The following GPHN variants were observed in gnomAD, a reference collection of about 807,000 sequenced individuals.
GPHN encodes the protein gephyrin.
Under a neutral mutation model 95.5 loss-of-function variants are expected in GPHN, and 17 were observed. The ratio of observed to expected loss-of-function variants is 0.18; its 90% CI spans 0.12 to 0.27. The LOEUF (loss-of-function observed/expected upper bound fraction) is 0.27. Among genes scored for constraint, GPHN ranks in the 10% least tolerant of loss-of-function variants. GPHN has a pLI of 1.00. For synonymous variants in GPHN, 320 were observed against 322.5 expected (o/e 0.99, Z 0.08); for missense variants, 660 against 978.1 (o/e 0.67, Z 4.34).
intron 9 of GPHN, among the ~76,000 whole-genome samples, chr14:66,987,967 A>T (rs2071137503): frequency 6.6e-6 from 1 of 152,114 alleles, no homozygotes; most frequent in Admixed American, 6.6e-5. Context: ...CTCAGAGATC[A>T]CCTAGAAGGC....
At chr14:66,822,563 A>T (rs1019207173) in intron 3 of GPHN, among the ~76,000 whole-genome samples, 1 of 152,216 alleles carries the variant, frequency 6.6e-6, no homozygotes, top group African/African-American at 2.4e-5. Flanking sequence ...CACTTAATAC[A>T]TGGTAGGTAC....
chr14:66,979,654 C>G (rs1042984243), intron 9 of GPHN, among the ~76,000 whole-genome samples: 2 of 152,216 alleles, frequency 1.3e-5, no homozygotes, highest in Admixed American at 6.5e-5. Flanking sequence ...GGCTGTTTCA[C>G]TTTCTTCTCA....
intron 6 of GPHN, among the ~76,000 whole-genome samples, chr14:66,922,075 G>A (rs934885048): frequency 3.6e-4 from 55 of 152,094 alleles, no homozygotes; most frequent in African/African-American, 1.3e-3. Flanking sequence ...ATGAATTAAG[G>A]ACTTAAACCT....
At chr14:67,216,491 G>T in the GPHN span, among the ~76,000 whole-genome samples, 1 of 151,760 alleles carries the variant, frequency 6.6e-6, no homozygotes, top group African/African-American at 2.4e-5. Flanking sequence ...TGCATCATTA[G>T]GTTATTTATT....
chr14:66,688,107 T>C (rs1418010669), intron 2 of GPHN, among the ~76,000 whole-genome samples: 1 of 152,218 alleles, frequency 6.6e-6, no homozygotes, highest in Non-Finnish European at 1.5e-5. Flanking sequence ...ACATACTGTA[T>C]TCTTGAAATA....
chr14:66,673,544 T>C (rs1404289016), intron 1 of GPHN, among the ~76,000 whole-genome samples: 1 of 152,236 alleles, frequency 6.6e-6, no homozygotes, highest in African/African-American at 2.4e-5. Flanking sequence ...TTTAACTTTA[T>C]AAAAGCATGC....
intron 8 of GPHN, among the ~76,000 whole-genome samples, chr14:66,945,957 A>ATTTCTT (rs2067722934): frequency 6.6e-6 from 1 of 152,030 alleles, no homozygotes; most frequent in African/African-American, 2.4e-5. Flanking sequence ...AGATAGTTTT[A>ATTTCTT]TTTCTTTTTC....
chr14:67,288,964 CTTTTTTTT>C, the GPHN span, among the ~76,000 whole-genome samples: 2 of 107,078 alleles, frequency 1.9e-5, no homozygotes, highest in Non-Finnish European at 4.0e-5. Flanking sequence ...TCTTTATTTC[CTTTTTTTT>C]TTTTTTTTTT....
chr14:67,710,141 T>G, the GPHN span, among the ~76,000 whole-genome samples: 1 of 152,268 alleles, frequency 6.6e-6, no homozygotes, highest in East Asian at 1.9e-4. Context: ...ATGTCTCATG[T>G]CTCCCTAAAT....
At chr14:67,305,850 A>T in the GPHN span, among the ~76,000 whole-genome samples, 3 of 152,342 alleles carry the variant, frequency 2.0e-5, no homozygotes, top group Admixed American at 2.0e-4. Flanking sequence ...TAATCTGAAG[A>T]CCAAAGGAAT....
intron 2 of GPHN, among the ~76,000 whole-genome samples, chr14:66,763,197 A>G (rs2058823527): frequency 6.7e-6 from 1 of 150,232 alleles, no homozygotes; most frequent in African/African-American, 2.5e-5. Context: ...AAAAAATACC[A>G]TATTACAACT....
chr14:67,576,539 G>A, the GPHN span: 1 of 1,036,860 alleles, frequency 9.6e-7, no homozygotes, highest in East Asian at 2.4e-5. This position sits in a 1 kb window ranked among gnomAD's most constrained non-coding sequence, Gnocchi z 4.0. Context: ...TTGGGTTGGA[G>A]GGTAGTGGCT....
the GPHN span, among the ~76,000 whole-genome samples, chr14:67,234,637 C>T: frequency 2.0e-5 from 3 of 152,054 alleles, no homozygotes; most frequent in East Asian, 5.8e-4. Context: ...GCAACTTCCT[C>T]CCACTGGGTT....
At chr14:67,585,546 T>C in the GPHN span, 4 of 1,503,902 alleles carry the variant, frequency 2.7e-6, no homozygotes, top group African/African-American at 5.5e-5. Flanking sequence ...ATATATCTGA[T>C]GGGTTGTTTC....
intron 1 of GPHN, among the ~76,000 whole-genome samples, chr14:66,562,180 A>G (rs1206466325): frequency 6.6e-6 from 1 of 152,100 alleles, no homozygotes; most frequent in Non-Finnish European, 1.5e-5. Context: ...CTACTCTCCT[A>G]AGTTCTGTCT....
Position 66,517,430 on chromosome 14 carries a change from A to AG in GPHN, c.64+8842dup, listed in dbSNP as rs559978837. Among the ~76,000 whole-genome samples, 31 of 152,314 alleles carry AG rather than the reference A, an allele frequency of 2.0e-4. 1 individual carries two copies. Among genetic ancestry groups the AG allele is most frequent in the Admixed American group, 1.7e-3 (26 of 15,294 alleles). ...TACCAATGACATTCTTCACAGAAAT[A>AG]GGGAAAAAAAAGTTAAAATTTGTAT... On this transcript the variant is annotated intron_variant, in intron 1 of 22. Transcript: ENST00000478722.
At chr14:67,254,182 C>CTTTTT in the GPHN span, 7 of 118,552 alleles carry the variant, frequency 5.9e-5, no homozygotes, top group African/African-American at 9.1e-5. Flanking sequence ...AAGTGTCTTT[C>CTTTTT]TTTTTTTTTT....
chr14:67,122,951 CTAAGTA>C (rs2079094750), intron 17 of GPHN, among the ~76,000 whole-genome samples: 1 of 152,178 alleles, frequency 6.6e-6, no homozygotes, highest in Non-Finnish European at 1.5e-5. Context: ...GCTAAGTTTT[CTAAGTA>C]TTTCTGTGAA....
the GPHN span, among the ~76,000 whole-genome samples, chr14:67,533,990 C>T: frequency 6.6e-6 from 1 of 152,064 alleles, no homozygotes; most frequent in Admixed American, 6.5e-5. Flanking sequence ...AAACTCCTCT[C>T]CTTGTGGGAT....
Sources: allele counts gnomAD v4.1 joint callset (sites outside exome capture counted in the v4.1 genomes callset), GRCh38; gene constraint gnomAD v4.1.1; non-coding constraint Gnocchi (gnomAD v3.1); transcripts MANE v1.5; gene names NCBI Gene and HGNC (gene_info 2026-07-23, HGNC 2026-07-21).